The following SLC12A6 variants were observed in gnomAD, a reference collection of about 807,000 sequenced individuals.
SLC12A6 encodes the protein K-Cl cotransporter 3.
A neutral mutation model predicts 135.3 loss-of-function variants in SLC12A6; 66 were observed. The ratio of observed to expected loss-of-function variants is 0.49; its 90% CI spans 0.40 to 0.60. The LOEUF is 0.60. Among genes scored for constraint, SLC12A6 ranks in the 20% least tolerant of loss-of-function variants. The pLI is 0.00. For missense variants in SLC12A6, 1,058 were observed against 1,452.3 expected, an observed-to-expected ratio of 0.73 and a Z score of 4.41; for synonymous variants, 513 against 508.8, an observed-to-expected ratio of 1.01 and a Z score of -0.11.
At chr15:34,273,038 G>A (rs753374533) in intron 3 of SLC12A6, among the ~76,000 whole-genome samples, 23 of 152,110 alleles carry the variant, frequency 1.5e-4, no homozygotes, top group Non-Finnish European at 3.1e-4. Flanking sequence ...GCAATGTATA[G>A]AAACTATCCA....
At chr15:34,281,152 G>A (rs924309105) in intron 2 of SLC12A6, among the ~76,000 whole-genome samples, 11 of 152,176 alleles carry the variant, frequency 7.2e-5, no homozygotes, top group African/African-American at 2.4e-4. Context: ...GGATGACTAC[G>A]GTTAACAATA....
intron 2 of SLC12A6, among the ~76,000 whole-genome samples, chr15:34,315,300 T>G (rs911150523): frequency 6.6e-6 from 1 of 152,180 alleles, no homozygotes; most frequent in Non-Finnish European, 1.5e-5. Flanking sequence ...ATTGCCACAG[T>G]TACCACAACC....
intron 2 of SLC12A6, among the ~76,000 whole-genome samples, chr15:34,293,856 A>C (rs986860966): frequency 5.3e-5 from 8 of 152,228 alleles, no homozygotes; most frequent in Non-Finnish European, 1.0e-4. Flanking sequence ...CTCCTGTCTC[A>C]GCCTCCAAAG....
chr15:34,270,631 C>T (rs147679954), intron 3 of SLC12A6, among the ~76,000 whole-genome samples: 4,151 of 151,810 alleles, frequency 0.027, 194 homozygotes, highest in African/African-American at 0.095. Context: ...GGTGAAACCC[C>T]GTCTCCACTG....
intron 2 of SLC12A6, among the ~76,000 whole-genome samples, chr15:34,300,291 T>G (rs1896152012): frequency 6.6e-6 from 1 of 152,152 alleles, no homozygotes; most frequent in African/African-American, 2.4e-5. Flanking sequence ...GTAGAAGGTT[T>G]AGCTATATGA....
chr15:34,305,725 T>C (rs1014451226), intron 2 of SLC12A6, among the ~76,000 whole-genome samples: 5 of 152,138 alleles, frequency 3.3e-5, no homozygotes, highest in Admixed American at 2.0e-4. Context: ...TGGCCCATTA[T>C]TATTTTCATG....
chr15:34,258,469 G>T (rs1892902973), intron 5 of SLC12A6, among the ~76,000 whole-genome samples: 1 of 152,144 alleles, frequency 6.6e-6, no homozygotes, highest in Non-Finnish European at 1.5e-5. Context: ...TTGTCAGAAA[G>T]GCTTTCCCTG....
intron 2 of SLC12A6, among the ~76,000 whole-genome samples, chr15:34,328,366 A>T (rs867750297): frequency 6.6e-6 from 1 of 152,356 alleles, no homozygotes; most frequent in African/African-American, 2.4e-5. Flanking sequence ...CCACTTTAAC[A>T]GTAGCTTAAA....
chr15:34,292,571 T>C (rs2140976480), intron 2 of SLC12A6, among the ~76,000 whole-genome samples: 1 of 152,260 alleles, frequency 6.6e-6, no homozygotes, highest in African/African-American at 2.4e-5. Flanking sequence ...TCTGCTGCCT[T>C]TTGTTCAGAT....
At chr15:34,270,198 T>A (rs1893820893) in intron 3 of SLC12A6, among the ~76,000 whole-genome samples, 1 of 151,732 alleles carries the variant, frequency 6.6e-6, no homozygotes, top group Non-Finnish European at 1.5e-5. Context: ...CCATCACAGC[T>A]TACTGTAGCC....
intron 3 of SLC12A6, among the ~76,000 whole-genome samples, chr15:34,264,933 A>G (rs745958489): frequency 1.3e-5 from 2 of 152,230 alleles, no homozygotes; most frequent in Non-Finnish European, 2.9e-5. Flanking sequence ...GCAGTGGCTC[A>G]TGCCTGTAAT....
intron 2 of SLC12A6, among the ~76,000 whole-genome samples, chr15:34,311,254 T>C (rs191805501): frequency 2.0e-5 from 3 of 152,158 alleles, no homozygotes; most frequent in South Asian, 2.1e-4. Context: ...AATATAAGAT[T>C]TGAGGAGCAG....
At position 34,297,149 on chromosome 15, in the gene SLC12A6, G is replaced by A. The variant is rs150040858; in HGVS notation, c.272-21760C>T. 1.8e-3 allele frequency among the ~76,000 whole-genome samples: 274 copies of A among 152,216 alleles called. 2 individuals are homozygous for A. The highest frequency in any genetic ancestry group is 6.3e-3 in the African/African-American group (263 of 41,530). On this transcript the variant is annotated intron_variant, in intron 2 of 25. Transcript: ENST00000354181. ...GAATATCTTTAAAATCTCTTCAAAT[G>A]TTGCTAATCTCTTTTTTAACAGGCT...
chr15:34,249,420 A>C (rs1018905430), intron 13 of SLC12A6, among the ~76,000 whole-genome samples: 7 of 152,006 alleles, frequency 4.6e-5, no homozygotes, highest in Non-Finnish European at 7.4e-5. Flanking sequence ...AAAAACTACT[A>C]GCTGGGTGTG....
In SLC12A6 at chr15:34,260,080, A is replaced by G. The variant is rs561250598; in HGVS notation, c.411+846T>C. 1.2e-4 allele frequency among the ~76,000 whole-genome samples: 18 copies of G among 152,338 alleles called. 1 individual carries two copies. The South Asian group carries it at 3.7e-3, about 32-fold the overall frequency. ...AAATTGCTAAGAAAGTCAAATTCAA[A>G]TATTTTCACCATGAAAATGATAAGT... On this transcript the variant is annotated intron_variant, in intron 4 of 25. Transcript: ENST00000354181.
At chr15:34,317,402 G>A (rs974844075) in intron 2 of SLC12A6, among the ~76,000 whole-genome samples, 15 of 152,102 alleles carry the variant, frequency 9.9e-5, no homozygotes, top group South Asian at 2.1e-4. Flanking sequence ...ACAGAATCAC[G>A]GAATTAAAAG....
chr15:34,308,279 G>A (rs760483237), intron 2 of SLC12A6, among the ~76,000 whole-genome samples: 9 of 151,874 alleles, frequency 5.9e-5, no homozygotes, highest in African/African-American at 9.7e-5. Flanking sequence ...TTTCTATCTC[G>A]CTGATAATTG....
rs538414056 is a variant in SLC12A6, at chr15:34,236,313, A to C, written c.3043-114T>G. On this transcript the variant is annotated intron_variant, in intron 23 of 25. Coordinates refer to ENST00000354181, the MANE Select transcript of SLC12A6 (RefSeq NM_001365088.1). ...TGGAATAACTGACAGAGTGAGAAGG[A>C]ATTTGTCATCCTTGAAAACAATATA... 15 of 808,816 alleles carry C rather than the reference A, an allele frequency of 1.9e-5. No homozygotes were observed. The South Asian group carries it at 2.2e-4, about 12-fold the overall frequency. 50.1% of individuals were successfully genotyped at this position (808,816 alleles called of 1,614,324 possible). A position where few individuals can be genotyped will look rare whatever the true frequency, so the allele number is the denominator to read the frequency against.
chr15:34,234,342 G>C (rs559174469), intron 25 of SLC12A6, among the ~76,000 whole-genome samples: 2 of 151,930 alleles, frequency 1.3e-5, no homozygotes, highest in Admixed American at 6.6e-5. Flanking sequence ...CTGCCAGTTC[G>C]GTTTGTCTTT....
Sources: gnomAD v4.1 joint callset for allele counts (sites outside exome capture counted in the v4.1 genomes callset) on GRCh38, gnomAD v4.1.1 for gene constraint, MANE v1.5 for transcripts, NCBI Gene and HGNC (gene_info 2026-07-23, HGNC 2026-07-21) for gene names.